PDE10A: variants seen among roughly 807,000 people sequenced by gnomAD.
PDE10A encodes cAMP and cAMP-inhibited cGMP 3',5'-cyclic phosphodiesterase 10A.
PDE10A carries 39 observed loss-of-function variants against 97.7 expected under a neutral mutation model. The ratio of observed to expected loss-of-function variants is 0.40; its 90% CI spans 0.31 to 0.52. The LOEUF (loss-of-function observed/expected upper bound fraction) is 0.52, where lower values mean the gene tolerates loss of function less well. Among genes scored for constraint, PDE10A ranks in the 20% least tolerant of loss-of-function variants. PDE10A has a pLI of 0.56. For missense variants in PDE10A, 731 were observed against 1,047.8 expected (o/e 0.70, Z 4.17); for synonymous variants, 371 against 376.8 (o/e 0.98, Z 0.18).
chr6:165,857,765 A>G (rs1780789322), intron 1 of PDE10A, among the ~76,000 whole-genome samples: 1 of 151,890 alleles, frequency 6.6e-6, no homozygotes, highest in Non-Finnish European at 1.5e-5. Flanking sequence ...TTGGGGCAAC[A>G]AAACAGATTA....
chr6:165,880,762 T>C (rs1284916643), intron 1 of PDE10A, among the ~76,000 whole-genome samples: 1 of 152,224 alleles, frequency 6.6e-6, no homozygotes, highest in East Asian at 1.9e-4. Flanking sequence ...GACTTTTCAT[T>C]GGGAACAGGC....
chr6:165,950,770 G>T (rs1221587706), intron 1 of PDE10A, among the ~76,000 whole-genome samples: 1 of 152,024 alleles, frequency 6.6e-6, no homozygotes, highest in Admixed American at 6.6e-5. Flanking sequence ...AAAAAGGGGA[G>T]ATCTGCTTAC....
At chr6:165,646,347 A>T (rs1344019710) in intron 1 of PDE10A, among the ~76,000 whole-genome samples, 1 of 152,230 alleles carries the variant, frequency 6.6e-6, no homozygotes, top group Non-Finnish European at 1.5e-5. Flanking sequence ...AAGGTGGGCA[A>T]TTCAAGAAAA....
intron 13 of PDE10A, among the ~76,000 whole-genome samples, chr6:165,400,430 A>G (rs527538071): frequency 1.3e-5 from 2 of 152,318 alleles, no homozygotes; most frequent in South Asian, 4.1e-4. Context: ...AAATATTTAC[A>G]AATAATCTAT....
At chr6:165,575,460 TCTC>T (rs1320304156) in intron 1 of PDE10A, among the ~76,000 whole-genome samples, 1 of 152,188 alleles carries the variant, frequency 6.6e-6, no homozygotes, top group African/African-American at 2.4e-5. Context: ...TTCTAGCTTC[TCTC>T]CTAACTCAGC....
intron 1 of PDE10A, among the ~76,000 whole-genome samples, chr6:165,865,877 TAA>T (rs933874022): frequency 6.6e-6 from 1 of 151,984 alleles, no homozygotes; most frequent in East Asian, 1.9e-4. Flanking sequence ...AAATAATAGC[TAA>T]AAAAAATTAT....
chr6:165,586,017 C>T (rs1419756238), intron 1 of PDE10A, among the ~76,000 whole-genome samples: 1 of 152,106 alleles, frequency 6.6e-6, no homozygotes, highest in East Asian at 1.9e-4. Flanking sequence ...TACCCCATAC[C>T]CCACAGTTCA....
intron 1 of PDE10A, among the ~76,000 whole-genome samples, chr6:165,919,413 A>C (rs1782692557): frequency 6.6e-6 from 1 of 152,168 alleles, no homozygotes; most frequent in Admixed American, 6.5e-5. Context: ...TGGCTTAGTT[A>C]ATAGCAAGAT....
rs113167831 is a variant in PDE10A, at chr6:165,671,694, T to TCACACA, written c.-614-128132_-614-128127dup. ...AAAACGGATGAAAAGCAGCTAGATA[T>TCACACA]CACACACACACACACACATATATAT... On this transcript the variant is annotated intron_variant, in intron 1 of 19. Coordinates refer to the PDE10A transcript ENST00000366882. This position sits in a 1 kb window ranked among gnomAD's most constrained non-coding sequence, Gnocchi z 4.6. Among the ~76,000 whole-genome samples the TCACACA allele has an allele frequency of 6.6e-6, 1 of 151,164 alleles. No individual in the cohort carries two copies. The highest frequency in any genetic ancestry group is 6.6e-5 in the Admixed American group (1 of 15,138).
In PDE10A at chr6:165,428,675, G is replaced by T; in HGVS notation, c.1636C>A (p.Leu546Ile). Residue 546 changes from leucine to isoleucine, a missense_variant, in exon 10 of 22, where the codon CTA becomes ATA. By Grantham distance (5) the Leu-to-Ile change is conservative. Transcript: ENST00000539869. ...YFDNIVAIDS[L>I]LEHIMIYAKN... ...CAACCTACCATTATGTGTTCAAGTAGAGAATCTATTGCAACTATGTTATCA... is the reference window on the plus strand; with the variant it reads ...CAACCTACCATTATGTGTTCAAGTATAGAATCTATTGCAACTATGTTATCA... The T allele has an allele frequency of 7.3e-7, 1 of 1,361,594 alleles. No homozygotes were observed. 84.3% of individuals were successfully genotyped at this position (1,361,594 alleles called of 1,614,324 possible). A position where few individuals can be genotyped will look rare whatever the true frequency, so the allele number is the denominator to read the frequency against.
In PDE10A at chr6:165,360,699, C is replaced by A. The variant is rs1221953655; in HGVS notation, c.2784-17197G>T. ...CAAATAACCGAGTGCTGGAAACGGG[C>A]CTTGAAAGGGCCCATATTTGACTGA... On this transcript the variant is annotated intron_variant, in intron 18 of 21. Transcript: ENST00000539869. Among the ~76,000 whole-genome samples, 6 of 152,282 alleles carry A rather than the reference C, an allele frequency of 3.9e-5. No individual in the cohort carries two copies. In the South Asian group the frequency reaches 1.2e-3, roughly 32 times the overall value.
chr6:165,707,718 T>C (rs1791752923), intron 1 of PDE10A, among the ~76,000 whole-genome samples: 1 of 151,980 alleles, frequency 6.6e-6, no homozygotes, highest in African/African-American at 2.4e-5. Context: ...TGTGCGTGTG[T>C]GTATGAGTGT....
intron 3 of PDE10A, among the ~76,000 whole-genome samples, chr6:165,451,616 T>C (rs938755726): frequency 2.0e-5 from 3 of 152,224 alleles, no homozygotes; most frequent in African/African-American, 7.2e-5. Context: ...ATCATTCAGA[T>C]AACCTCCACT....
intron 1 of PDE10A, among the ~76,000 whole-genome samples, chr6:165,785,379 A>C (rs1015896287): frequency 6.6e-6 from 1 of 152,210 alleles, no homozygotes; most frequent in Non-Finnish European, 1.5e-5. Flanking sequence ...ATGCTCTTTG[A>C]GTCAATAGTT....
chr6:165,822,538 T>C (rs1358778533), intron 1 of PDE10A, among the ~76,000 whole-genome samples: 2 of 152,066 alleles, frequency 1.3e-5, no homozygotes, highest in African/African-American at 4.8e-5. Flanking sequence ...CTGTTCCAAA[T>C]ACTTCAGGCA....
Position 165,975,220 on chromosome 6 carries a change from C to A in PDE10A, c.-615+12309G>T, listed in dbSNP as rs139739685. On this transcript the variant is annotated intron_variant, in intron 1 of 19. Transcript: ENST00000366882. ...GACTGACTGAGAGCCGGGAGGTATTCAGGCTATCTGGGGAGCTCTTCTAAA... is the reference window on the plus strand; with the variant it reads ...GACTGACTGAGAGCCGGGAGGTATTAAGGCTATCTGGGGAGCTCTTCTAAA... Among the ~76,000 whole-genome samples the A allele has an allele frequency of 3.7e-3, 570 of 152,318 alleles. 2 individuals are homozygous for A. Among genetic ancestry groups the A allele is most frequent in the African/African-American group, 0.013 (535 of 41,576 alleles).
At chr6:165,987,564 G>C (rs191467828) in exon 1 of PDE10A, 1 of 389,554 alleles carries the variant, frequency 2.6e-6, no homozygotes, top group African/African-American at 2.1e-5. Flanking sequence ...TCTGCTTTCC[G>C]CTTCATTTCG....
intron 1 of PDE10A, among the ~76,000 whole-genome samples, chr6:165,659,010 T>G (rs1458483039): frequency 1.3e-5 from 2 of 152,174 alleles, no homozygotes; most frequent in Non-Finnish European, 2.9e-5. Context: ...CTTTCTTTCT[T>G]TCTGTCTCTG....
At chr6:165,403,791 C>CT (rs770348672) in intron 13 of PDE10A, among the ~76,000 whole-genome samples, 9 of 152,142 alleles carry the variant, frequency 5.9e-5, no homozygotes, top group Non-Finnish European at 1.3e-4. Context: ...ATGAGATCTA[C>CT]TTTTTAGCTC....
Sources: allele counts gnomAD v4.1 joint callset (sites outside exome capture counted in the v4.1 genomes callset), GRCh38; gene constraint gnomAD v4.1.1; non-coding constraint Gnocchi (gnomAD v3.1); transcripts MANE v1.5; gene names NCBI Gene and HGNC (gene_info 2026-07-23, HGNC 2026-07-21).